Variants in PABPC4L observed in about 807,000 individuals in gnomAD.
The protein encoded by PABPC4L is polyadenylate-binding protein 4-like.
For synonymous variants in PABPC4L, 169 were observed against 164.1 expected, an observed-to-expected ratio of 1.03 and a Z score of -0.23; for missense variants, 452 against 451.4, an observed-to-expected ratio of 1.00 and a Z score of -0.01.
At chr4:134,085,112 G>A in the PABPC4L span, among the ~76,000 whole-genome samples, 78,560 of 151,618 alleles carry the variant, frequency 0.52, 21,779 homozygotes, top group East Asian at 0.94. Flanking sequence ...TATTCACGAA[G>A]AATCAGTTGA....
At chr4:134,033,168 C>G in the PABPC4L span, among the ~76,000 whole-genome samples, 1 of 151,482 alleles carries the variant, frequency 6.6e-6, no homozygotes, top group African/African-American at 2.4e-5. Flanking sequence ...ATTTTTTCAT[C>G]GCTATTATAT....
the PABPC4L span, among the ~76,000 whole-genome samples, chr4:134,067,608 G>A: frequency 2.6e-5 from 4 of 151,936 alleles, no homozygotes; most frequent in African/African-American, 7.2e-5. Context: ...AGTTTCTTCA[G>A]GTGTGATGTT....
At chr4:133,989,211 C>A in the PABPC4L span, among the ~76,000 whole-genome samples, 1 of 152,072 alleles carries the variant, frequency 6.6e-6, no homozygotes, top group African/African-American at 2.4e-5. Flanking sequence ...GAATAACATT[C>A]GACTCCTCAT....
chr4:134,079,197 C>A, the PABPC4L span, among the ~76,000 whole-genome samples: 1 of 150,926 alleles, frequency 6.6e-6, no homozygotes, highest in South Asian at 2.1e-4. Context: ...GTCTCAAACT[C>A]CTGACCTCGT....
chr4:134,112,606 CTAT>C, the PABPC4L span, among the ~76,000 whole-genome samples: 2 of 145,602 alleles, frequency 1.4e-5, no homozygotes, highest in East Asian at 3.9e-4. Flanking sequence ...ATCTATCTAT[CTAT>C]CTATCTATAT....
chr4:134,199,951 A>G lies in PABPC4L; in HGVS notation c.1069T>C (p.Leu357=). Residue 357 remains leucine (L), a synonymous_variant, in exon 2 of 2, where the codon TTG becomes CTG. Transcript: ENST00000421491. ...KAMTEMNGRI[L]GSKPLSIALA... is the part of the protein sequence containing the mutation. ...GCAATGCTAAGAGGTTTGGAGCCCAAGATGCGGCCATTCATCTCAGTCATT... is the reference window on the plus strand; with the variant it reads ...GCAATGCTAAGAGGTTTGGAGCCCAGGATGCGGCCATTCATCTCAGTCATT... The G allele has an allele frequency of 1.3e-6, 2 of 1,551,672 alleles. No individual in the cohort carries two copies. The highest frequency in any genetic ancestry group is 1.7e-6 in the Non-Finnish European group (2 of 1,146,972).
the PABPC4L span, among the ~76,000 whole-genome samples, chr4:134,015,753 T>C: frequency 1.3e-5 from 2 of 152,180 alleles, no homozygotes; most frequent in Non-Finnish European, 2.9e-5. Flanking sequence ...CCGCACCCTG[T>C]AGCCTTTTTA....
chr4:134,098,466 G>A, the PABPC4L span, among the ~76,000 whole-genome samples: 1 of 151,426 alleles, frequency 6.6e-6, no homozygotes, highest in South Asian at 2.1e-4. Flanking sequence ...CTGTGATGGG[G>A]AAGACATCAT....
At chr4:134,120,199 T>C in the PABPC4L span, among the ~76,000 whole-genome samples, 1 of 150,860 alleles carries the variant, frequency 6.6e-6, no homozygotes, top group Non-Finnish European at 1.5e-5. Flanking sequence ...ATTAGCATTA[T>C]GTGAAGGGTC....
chr4:133,961,588 G>A, the PABPC4L span, among the ~76,000 whole-genome samples: 111 of 152,278 alleles, frequency 7.3e-4, 2 homozygotes, highest in East Asian at 0.02. Flanking sequence ...ACTTGAGATG[G>A]CAATGGCAAC....
the PABPC4L span, among the ~76,000 whole-genome samples, chr4:134,067,005 T>C: frequency 3.3e-5 from 5 of 152,092 alleles, no homozygotes; most frequent in African/African-American, 1.2e-4. Context: ...TTCTTCTTTT[T>C]GTTGTTTCTG....
the PABPC4L span, among the ~76,000 whole-genome samples, chr4:133,977,608 C>T: frequency 1.3e-5 from 2 of 152,008 alleles, no homozygotes; most frequent in Admixed American, 1.3e-4. Context: ...TGTAGCTCTC[C>T]TTAAAGAGGT....
At chr4:134,031,027 A>G in the PABPC4L span, among the ~76,000 whole-genome samples, 1 of 152,082 alleles carries the variant, frequency 6.6e-6, no homozygotes, top group Non-Finnish European at 1.5e-5. Context: ...ATGTAAATGT[A>G]CTACTTGAGA....
the PABPC4L span, among the ~76,000 whole-genome samples, chr4:134,013,091 T>C: frequency 6.6e-6 from 1 of 152,058 alleles, no homozygotes; most frequent in Non-Finnish European, 1.5e-5. Flanking sequence ...CCTGCTTTTC[T>C]TGGGGAGAGG....
chr4:134,111,049 C>A, the PABPC4L span, among the ~76,000 whole-genome samples: 17 of 152,074 alleles, frequency 1.1e-4, no homozygotes, highest in South Asian at 2.1e-4. Context: ...AAATTTATTT[C>A]TCATAGTTTT....
the PABPC4L span, among the ~76,000 whole-genome samples, chr4:134,043,698 C>T: frequency 6.6e-6 from 1 of 151,862 alleles, no homozygotes; most frequent in African/African-American, 2.4e-5. Flanking sequence ...ATACATCAGA[C>T]ACATCAATAA....
the PABPC4L span, among the ~76,000 whole-genome samples, chr4:134,013,682 G>A: frequency 1.3e-4 from 20 of 151,946 alleles, no homozygotes; most frequent in South Asian, 1.7e-3. Context: ...TTTACACATC[G>A]GTCCCTCCCT....
the PABPC4L span, among the ~76,000 whole-genome samples, chr4:134,122,944 C>T: frequency 6.6e-6 from 1 of 151,804 alleles, no homozygotes; most frequent in African/African-American, 2.4e-5. Flanking sequence ...ACTAAAATTT[C>T]TCAGTGCTTT....
chr4:134,187,234 G>A, the PABPC4L span, among the ~76,000 whole-genome samples: 1 of 151,794 alleles, frequency 6.6e-6, no homozygotes, highest in African/African-American at 2.4e-5. Context: ...CTATAAAAAC[G>A]TAGACACACG....
Sources: allele counts gnomAD v4.1 joint callset (sites outside exome capture counted in the v4.1 genomes callset), GRCh38; gene constraint gnomAD v4.1.1; transcripts MANE v1.5; gene names NCBI Gene and HGNC (gene_info 2026-07-23, HGNC 2026-07-21).